The following DISP3 variants were observed in gnomAD, a reference collection of about 807,000 sequenced individuals.
DISP3 encodes the protein protein dispatched homolog 3.
In DISP3, 101 loss-of-function variants were observed where a neutral mutation model predicts 135.3. The ratio of observed to expected loss-of-function variants is 0.75; its 90% CI spans 0.64 to 0.88. The LOEUF is 0.88. DISP3 is among the 40% of genes least tolerant of loss of function. The pLI, the probability that DISP3 is intolerant of heterozygous loss-of-function variation, is 0.00. For missense variants in DISP3, 1,713 were observed against 1,878.6 expected, an observed-to-expected ratio of 0.91 and a Z score of 1.63; for synonymous variants, 856 against 817.0, an observed-to-expected ratio of 1.05 and a Z score of -0.81.
At position 11,529,577 on chromosome 1, in the gene DISP3, C is replaced by T; in HGVS notation, c.2820C>T (p.Ser940=). Residue 940 remains serine (S), a synonymous_variant, in exon 14 of 21, where the codon TCC becomes TCT. Coordinates refer to ENST00000294484, the MANE Select transcript of DISP3 (RefSeq NM_020780.2). The surrounding 1 kb of genome is among the most constrained non-coding windows in gnomAD (Gnocchi z 4.7). The stretch of plus-strand genomic sequence containing the variant: ...ACAGGAAGCTGTACTTCGCCCAGTC[C>T]CACAAGCCCCCCTTCCACGGGCGCG... The part of the protein sequence containing the change: ...QHTRKLYFAQ[S]HKPPFHGRVC... 6.3e-7 allele frequency: 1 copy of T among 1,577,092 alleles called. No individual in the cohort carries two copies. Among genetic ancestry groups the T allele is most frequent in the South Asian group, 1.1e-5 (1 of 87,944 alleles).
Position 11,515,388 on chromosome 1 carries a change from G to A in DISP3, c.1473G>A (p.Gly491=), listed in dbSNP as rs1641980722. ...TSCSVFLSFF[G]IASIGLSCLV... ...GCCCAGTGTTCCTGTCCTTCTTTGG[G>A]ATTGCCAGCATTGGTCTCAGCTGCC... Residue 491 remains glycine (G), a synonymous_variant, in exon 5 of 21, where the codon GGG becomes GGA. Transcript: ENST00000294484. 1 of 1,614,208 alleles carries A rather than the reference G, an allele frequency of 6.2e-7. No individual in the cohort carries two copies. The highest frequency in any genetic ancestry group is 8.5e-7 in the Non-Finnish European group (1 of 1,180,028).
intron 1 of DISP3, among the ~76,000 whole-genome samples, chr1:11,488,484 G>A (rs1393892860): frequency 2.0e-5 from 3 of 152,212 alleles, no homozygotes; most frequent in African/African-American, 4.8e-5. Flanking sequence ...CACTGACCTG[G>A]GTGGGCACCG....
intron 3 of DISP3, among the ~76,000 whole-genome samples, chr1:11,506,066 T>C (rs544407768): frequency 5.3e-5 from 8 of 152,368 alleles, no homozygotes; most frequent in East Asian, 1.9e-4. Context: ...ATACTTTACC[T>C]GAAGATGTCA....
Position 11,529,866 on chromosome 1 carries a change from A to G in DISP3, c.3009A>G (p.Pro1003=), listed in dbSNP as rs780592893. 6.2e-7 allele frequency: 1 copy of G among 1,613,978 alleles called. No individual in the cohort carries two copies. Among genetic ancestry groups the G allele is most frequent in the Non-Finnish European group, 8.5e-7 (1 of 1,180,020 alleles). Residue 1003 remains proline (P), a synonymous_variant, in exon 15 of 21, where the codon CCA becomes CCG. Transcript: ENST00000294484. The surrounding 1 kb of genome is among the most constrained non-coding windows in gnomAD (Gnocchi z 4.7). ...GCTGCGGGAAGCCGGCGGTGCGGCC[A>G]CTAGTGGATACCGGGGCCATGGTCT... The part of the protein sequence containing the change: ...NTGCGKPAVR[P]LVDTGAMVFV...
intron 17 of DISP3, among the ~76,000 whole-genome samples, chr1:11,532,585 G>GC (rs1315144261): frequency 6.6e-6 from 1 of 152,336 alleles, no homozygotes; most frequent in East Asian, 1.9e-4. Context: ...CCCTCAGCGA[G>GC]CCCCCAGGCA....
At chr1:11,530,003 A>G (rs760010186) in intron 15 of DISP3, 44 bp downstream of exon 15, 1 of 1,593,660 alleles carries the variant, frequency 6.3e-7, no homozygotes, top group East Asian at 2.2e-5. Flanking sequence ...CCCAGCTGCA[A>G]CAGTCTTGCA....
chr1:11,496,260 A>T (rs1321980666), intron 1 of DISP3, among the ~76,000 whole-genome samples: 1 of 152,132 alleles, frequency 6.6e-6, no homozygotes, highest in Non-Finnish European at 1.5e-5. Flanking sequence ...TGCCTTTCCC[A>T]AGAGGAGGAT....
At chr1:11,493,318 CAACAAA>C (rs1391943620) in intron 1 of DISP3, among the ~76,000 whole-genome samples, 1 of 152,214 alleles carries the variant, frequency 6.6e-6, no homozygotes, top group Non-Finnish European at 1.5e-5. Flanking sequence ...CTCTAGCAGT[CAACAAA>C]AACAATTTCC....
intron 1 of DISP3, among the ~76,000 whole-genome samples, chr1:11,489,089 C>A (rs1196172841): frequency 6.6e-6 from 1 of 152,234 alleles, no homozygotes; most frequent in Non-Finnish European, 1.5e-5. Context: ...CAGGCCCAGG[C>A]AGCAGGGGAC....
intron 3 of DISP3, among the ~76,000 whole-genome samples, chr1:11,506,554 T>C (rs529425792): frequency 6.6e-6 from 1 of 152,344 alleles, no homozygotes; most frequent in Non-Finnish European, 1.5e-5. Context: ...TTGTTCGGTT[T>C]TTCCTTTTTG....
rs2100372577 is a variant in DISP3 at position 11,491,360 on chromosome 1, CAG to C, written c.-3-9629_-3-9628del. Among the ~76,000 whole-genome samples the C allele has an allele frequency of 6.6e-6, 1 of 152,272 alleles. No homozygotes were observed. The highest frequency in any genetic ancestry group is 1.9e-4 in the East Asian group (1 of 5,190). On this transcript the variant is annotated intron_variant, in intron 1 of 20. Coordinates refer to ENST00000294484, the MANE Select transcript of DISP3 (RefSeq NM_020780.2). This position sits in a 1 kb window ranked among gnomAD's most constrained non-coding sequence, Gnocchi z 4.3. ...TGGCTGACACCTACTGTAATTCCAACAGTTTGGGAGACTGGGGCAGAAAGATT... is the reference window on the plus strand; with the variant it reads ...TGGCTGACACCTACTGTAATTCCAACTTTGGGAGACTGGGGCAGAAAGATT...
At chr1:11,507,251 G>A (rs1641731549) in intron 3 of DISP3, among the ~76,000 whole-genome samples, 1 of 152,176 alleles carries the variant, frequency 6.6e-6, no homozygotes, top group Non-Finnish European at 1.5e-5. Flanking sequence ...TGCAATCCTG[G>A]AAAGTCTCAG....
intron 18 of DISP3, 40 bp from the exon 19 acceptor site, chr1:11,534,971 C>T: frequency 6.6e-7 from 1 of 1,524,070 alleles, no homozygotes; most frequent in Non-Finnish European, 8.8e-7. Flanking sequence ...GCTGCGACCG[C>T]CCACACAGCA....
intron 3 of DISP3, among the ~76,000 whole-genome samples, chr1:11,510,472 T>A (rs939094194): frequency 6.6e-6 from 1 of 152,194 alleles, no homozygotes; most frequent in African/African-American, 2.4e-5. Flanking sequence ...GGCCTTTATG[T>A]TATTGTGGTT....
rs751119336 is a variant in DISP3, at chr1:11,535,455, C to G, written c.3650-23C>G. On this transcript the variant is annotated intron_variant, in intron 19 of 20. Coordinates refer to ENST00000294484, the MANE Select transcript of DISP3 (RefSeq NM_020780.2). ...CCTCCAGGGCGGGGGATCCGAGCTG[C>G]CCCCCCTGCTGTCTCCTTGCAGGCA... is the stretch of plus-strand genomic sequence containing the variant. The G allele has an allele frequency of 8.2e-6, 13 of 1,584,560 alleles. No homozygotes were observed. The Admixed American group carries it at 2.1e-4, about 25-fold the overall frequency.
intron 1 of DISP3, among the ~76,000 whole-genome samples, chr1:11,495,304 T>C (rs1460587222): frequency 6.6e-6 from 1 of 152,128 alleles, no homozygotes; most frequent in Admixed American, 6.5e-5. Context: ...GGCACGAGAA[T>C]CGCTTGAACC....
chr1:11,501,397 G>T lies in DISP3; in HGVS notation c.405G>T (p.Arg135=). ...ALKSQFGSWG[R]NRRDLADFTS... ...AGTCCCAGTTTGGATCCTGGGGGCG[G>T]AACCGGCGCGATTTGGCCGACTTCA... Residue 135 remains arginine (R), a synonymous_variant, in exon 2 of 21, where the codon CGG becomes CGT. Coordinates refer to ENST00000294484, the MANE Select transcript of DISP3 (RefSeq NM_020780.2). This position sits in a 1 kb window ranked among gnomAD's most constrained non-coding sequence, Gnocchi z 4.9. 1 of 1,600,454 alleles carries T rather than the reference G, an allele frequency of 6.2e-7. No homozygotes were observed. The highest frequency in any genetic ancestry group is 8.5e-7 in the Non-Finnish European group (1 of 1,173,598).
At position 11,483,253 on chromosome 1, in the gene DISP3, C is replaced by A. The variant is rs751226721; in HGVS notation, c.-4+3881C>A. On this transcript the variant is annotated intron_variant, in intron 1 of 20. Transcript: ENST00000294484. The surrounding 1 kb of genome is among the most constrained non-coding windows in gnomAD (Gnocchi z 5.4). ...GTGTGTTGTCAAAGCTCTTTGGAAA[C>A]GGGCACCAGACATGGCTGATGGCCT... is the stretch of plus-strand genomic sequence containing the variant. Among the ~76,000 whole-genome samples, 3 of 152,240 alleles carry A rather than the reference C, an allele frequency of 2.0e-5. No individual in the cohort carries two copies. The highest frequency in any genetic ancestry group is 7.2e-5 in the African/African-American group (3 of 41,462).
chr1:11,508,704 A>G (rs1641773258), intron 3 of DISP3, among the ~76,000 whole-genome samples: 1 of 152,250 alleles, frequency 6.6e-6, no homozygotes, highest in East Asian at 1.9e-4. Flanking sequence ...AGATGTTTCA[A>G]TAGAGGCCTG....
Sources: allele counts gnomAD v4.1 joint callset (sites outside exome capture counted in the v4.1 genomes callset), GRCh38; gene constraint gnomAD v4.1.1; non-coding constraint Gnocchi (gnomAD v3.1); transcripts MANE v1.5; gene names NCBI Gene and HGNC (gene_info 2026-07-23, HGNC 2026-07-21).